The following MTA1 variants were observed in gnomAD, a reference collection of about 807,000 sequenced individuals.
MTA1 encodes metastasis-associated protein MTA1.
Under a neutral mutation model 97.0 loss-of-function variants are expected in MTA1, and 15 were observed. The ratio of observed to expected loss-of-function variants is 0.15; its 90% confidence interval spans 0.10 to 0.24. The LOEUF (loss-of-function observed/expected upper bound fraction) is 0.24. MTA1 is among the 10% of genes least tolerant of loss of function. The probability of loss-of-function intolerance (pLI) is 1.00; values close to 1 mark genes in which losing one functional copy is unlikely to be tolerated. For missense variants in MTA1, 709 were observed against 1,015.1 expected (o/e 0.70, Z 4.10); for synonymous variants, 435 against 417.5 (o/e 1.04, Z -0.51).
At chr14:105,457,879 C>G (rs935590225) in intron 7 of MTA1, among the ~76,000 whole-genome samples, 1 of 151,950 alleles carries the variant, frequency 6.6e-6, no homozygotes, top group East Asian at 1.9e-4. Context: ...GAGCCAAGAT[C>G]GTACCACTGT....
rs1555431418 is a variant in MTA1, at chr14:105,463,127, A to G, written c.943-57A>G. ...TGGCCGCAGCCCTGCCCCTGCCTGC[A>G]TGGTGTGCCTGCCTCCTGCCCCTTC... On this transcript the variant is annotated intron_variant, in intron 10 of 20. Coordinates refer to ENST00000331320, the MANE Select transcript of MTA1 (RefSeq NM_004689.4). This position sits in a 1 kb window ranked among gnomAD's most constrained non-coding sequence, Gnocchi z 5.9. The G allele has an allele frequency of 1.3e-6, 2 of 1,547,298 alleles. No individual in the cohort carries two copies. The highest frequency in any genetic ancestry group is 1.8e-6 in the Non-Finnish European group (2 of 1,127,178).
At chr14:105,468,616 G>C (rs904290650) in intron 18 of MTA1, among the ~76,000 whole-genome samples, 1 of 152,216 alleles carries the variant, frequency 6.6e-6, no homozygotes, top group East Asian at 1.9e-4. Flanking sequence ...GTTCCTTAAG[G>C]GATGGGCCTC....
chr14:105,461,898 C>T (rs936429579), intron 10 of MTA1, among the ~76,000 whole-genome samples: 2 of 152,208 alleles, frequency 1.3e-5, no homozygotes, highest in Non-Finnish European at 2.9e-5. Flanking sequence ...CGGATCTCTC[C>T]AGGCTTAAAA....
At chr14:105,469,080 C>A (rs2083717798) in intron 18 of MTA1, 1 of 464,052 alleles carries the variant, frequency 2.2e-6, no homozygotes, top group African/African-American at 2.0e-5. Context: ...GTGCCGGCCA[C>A]AGCGTGGCTG....
At position 105,460,340 on chromosome 14, in the gene MTA1, C is replaced by T. The variant is rs374872356; in HGVS notation, c.654-18C>T. ...CCTGCTTGGCCGACACTGTGGTCAG[C>T]GCATCTCCTTTCCCCAGCTCTGTGG... is the stretch of plus-strand genomic sequence containing the variant. On this transcript the variant is annotated intron_variant, in intron 8 of 20. Transcript: ENST00000331320. 1.0e-5 allele frequency: 16 copies of T among 1,598,116 alleles called. No homozygotes were observed. The highest frequency in any genetic ancestry group is 4.5e-5 in the East Asian group (2 of 44,704).
intron 8 of MTA1, among the ~76,000 whole-genome samples, chr14:105,458,721 C>T (rs587698794): frequency 4.6e-5 from 7 of 152,278 alleles, no homozygotes; most frequent in Non-Finnish European, 7.4e-5. Flanking sequence ...AGCTGCAGCC[C>T]GGGCAGACCC....
chr14:105,428,008 ACT>A (rs2082061686), intron 1 of MTA1, among the ~76,000 whole-genome samples: 1 of 77,106 alleles, frequency 1.3e-5, no homozygotes, highest in South Asian at 6.0e-4. Context: ...ACAGAGTGAG[ACT>A]CTCTCAAAAA....
chr14:105,427,756 A>C (rs28545230), intron 1 of MTA1, among the ~76,000 whole-genome samples: 6,112 of 152,136 alleles, frequency 0.04, 397 homozygotes, highest in African/African-American at 0.14. Flanking sequence ...ATGGTGGCTC[A>C]CACCTGTAAT....
chr14:105,459,033 C>T (rs1365171266), intron 8 of MTA1, among the ~76,000 whole-genome samples: 1 of 150,424 alleles, frequency 6.6e-6, no homozygotes, highest in Non-Finnish European at 1.5e-5. Flanking sequence ...GCCCGTGGCC[C>T]CTGGTCCCTG....
rs782382235 is a variant in MTA1 at position 105,460,373 on chromosome 14, C to T, written c.669C>T (p.Phe223=). 5.8e-5 allele frequency: 94 copies of T among 1,610,424 alleles called. No homozygotes were observed. The highest frequency in any genetic ancestry group is 7.5e-5 in the Non-Finnish European group (88 of 1,178,728). ...CTTTCCCCAGCTCTGTGGGCACCTT[C>T]GCACGGGCCCTGGACTGCAGCAGCT... The part of the protein sequence containing the change: ...FLVVARSVGT[F]ARALDCSSSV... The change falls in exon 9 of 21, where the codon TTC becomes TTT. Residue 223 remains phenylalanine (F), a synonymous_variant. Transcript: ENST00000331320.
intron 15 of MTA1, 95 bp downstream of exon 15, chr14:105,464,958 C>A: frequency 6.9e-7 from 1 of 1,450,846 alleles, no homozygotes; most frequent in Non-Finnish European, 9.1e-7. Flanking sequence ...ACTGGGAGTT[C>A]TGATCTCAGG....
chr14:105,464,660 G>GC lies in MTA1; in HGVS notation c.1345-9dup, dbSNP rs1567043870. On this transcript the variant is annotated splice_polypyrimidine_tract_variant and intron_variant, in intron 14 of 20. Transcript: ENST00000331320. ...CATGGCGCTGTGTTGGGGCGGTTGC[G>GC]CCCCCTTCCGCAGAGTCCCCACGGC... 4.4e-6 allele frequency: 7 copies of GC among 1,601,816 alleles called. No homozygotes were observed. The highest frequency in any genetic ancestry group is 6.0e-6 in the Non-Finnish European group (7 of 1,172,184).
chr14:105,466,409 T>C lies in MTA1; in HGVS notation c.1625-17T>C. Reference sequence around the variant, plus strand: ...CTGGGCAGAGGCAACTCGTTCTGCCTGTGTCATTCCCGGCAGAGACCCACC... The same window carrying C: ...CTGGGCAGAGGCAACTCGTTCTGCCCGTGTCATTCCCGGCAGAGACCCACC... On this transcript the variant is annotated splice_polypyrimidine_tract_variant and intron_variant, in intron 16 of 20. Coordinates refer to ENST00000331320, the MANE Select transcript of MTA1 (RefSeq NM_004689.4). 1.3e-6 allele frequency: 2 copies of C among 1,594,988 alleles called. No homozygotes were observed. The highest frequency in any genetic ancestry group is 1.7e-6 in the Non-Finnish European group (2 of 1,169,084).
intron 18 of MTA1, chr14:105,467,145 G>T: frequency 5.4e-6 from 2 of 371,530 alleles, no homozygotes; most frequent in Non-Finnish European, 5.1e-6. Flanking sequence ...GGGTGTCTGT[G>T]TGGGCCGTGG....
chr14:105,451,652 C>G (rs781442029), intron 6 of MTA1, among the ~76,000 whole-genome samples: 5 of 152,216 alleles, frequency 3.3e-5, no homozygotes, highest in Non-Finnish European at 7.3e-5. Flanking sequence ...CAGTGACAAG[C>G]CTGTCTGCAC....
At chr14:105,423,519 T>C (rs2081915662) in intron 1 of MTA1, among the ~76,000 whole-genome samples, 1 of 152,158 alleles carries the variant, frequency 6.6e-6, no homozygotes, top group South Asian at 2.1e-4. Flanking sequence ...CCGGCCTTTT[T>C]GTTTTAATTT....
At position 105,464,818 on chromosome 14, in the gene MTA1, C is replaced by T. The variant is rs1555432171; in HGVS notation, c.1489C>T (p.Arg497Trp). Residue 497 changes from arginine to tryptophan, a missense_variant, in exon 15 of 21, where the codon CGG becomes TGG. Physicochemically the swap from Arg to Trp is moderately radical, Grantham distance 101 (BLOSUM62 -3). Coordinates refer to ENST00000331320, the MANE Select transcript of MTA1 (RefSeq NM_004689.4). ...GATCCTGCGCCCGTGGCACGCTGCG[C>T]GGCACCCCTACCTGCCCATCAACAG... The part of the protein sequence containing the change: ...REILRPWHAA[R>W]HPYLPINSAA... 2 of 1,599,568 alleles carry T rather than the reference C, an allele frequency of 1.3e-6. No homozygotes were observed. Among genetic ancestry groups the T allele is most frequent in the Non-Finnish European group, 1.7e-6 (2 of 1,170,468 alleles).
Position 105,469,937 on chromosome 14 carries a change from A to G in MTA1, c.1942A>G (p.Met648Val), listed in dbSNP as rs1555433977. 1.2e-6 allele frequency: 2 copies of G among 1,612,154 alleles called. No individual in the cohort carries two copies. The highest frequency in any genetic ancestry group is 1.3e-5 in the African/African-American group (1 of 74,884). Residue 648 changes from methionine (M) to valine (V), a missense_variant, in exon 20 of 21, where the codon ATG becomes GTG. Physicochemically the swap from Met to Val is conservative, Grantham distance 21. Transcript: ENST00000331320. ...GSLPPVKRRR[M>V]NWIDAPDDVF... ...CCTGCCCCCAGTCAAGCGGCGGCGG[A>G]TGAACTGGATCGACGCCCCGGATGA...
Position 105,470,050 on chromosome 14 carries a change from C to T in MTA1, c.1998-15C>T, listed in dbSNP as rs1321102335. 3.1e-6 allele frequency: 5 copies of T among 1,612,486 alleles called. No individual in the cohort carries two copies. Among genetic ancestry groups the T allele is most frequent in the Non-Finnish European group, 4.2e-6 (5 of 1,179,864 alleles). Reference sequence around the variant, plus strand: ...CGCACAGCGTCCCGGCCCTCACCACCACCTCTGCCCACAGGAAGATCCGCA... The same window carrying T: ...CGCACAGCGTCCCGGCCCTCACCACTACCTCTGCCCACAGGAAGATCCGCA... On this transcript the variant is annotated splice_polypyrimidine_tract_variant and intron_variant, in intron 20 of 20. Transcript: ENST00000331320.
Sources: gnomAD v4.1 joint callset for allele counts (sites outside exome capture counted in the v4.1 genomes callset) on GRCh38, gnomAD v4.1.1 for gene constraint, Gnocchi (gnomAD v3.1) non-coding constraint, MANE v1.5 for transcripts, NCBI Gene and HGNC (gene_info 2026-07-23, HGNC 2026-07-21) for gene names.